The following CHTF8 variants were observed in gnomAD, a reference collection of about 807,000 sequenced individuals.
CHTF8 encodes the protein chromosome transmission fidelity protein 8 homolog.
In CHTF8, 6 loss-of-function variants were observed where a neutral mutation model predicts 11.0. The ratio of observed to expected loss-of-function variants is 0.55; its 90% CI spans 0.30 to 1.08. The LOEUF is 1.08. CHTF8 is among the 50% of genes least tolerant of loss of function. The pLI is 0.07. For missense variants in CHTF8, 140 were observed against 153.1 expected, an observed-to-expected ratio of 0.91 and a Z score of 0.45; for synonymous variants, 53 against 60.5, an observed-to-expected ratio of 0.88 and a Z score of 0.57.
intron 1 of CHTF8, among the ~76,000 whole-genome samples, chr16:69,123,646 A>T (rs1284173044): frequency 6.6e-6 from 1 of 152,094 alleles, no homozygotes; most frequent in African/African-American, 2.4e-5. Flanking sequence ...AGACTGTCTC[A>T]AAAAATCAAT....
intron 1 of CHTF8, among the ~76,000 whole-genome samples, chr16:69,128,872 T>C (rs1439189650): frequency 6.6e-6 from 1 of 151,914 alleles, no homozygotes; most frequent in Non-Finnish European, 1.5e-5. Context: ...GAAATCAGCT[T>C]GACCAACATG....
intron 1 of CHTF8, among the ~76,000 whole-genome samples, chr16:69,124,009 C>G (rs1386148621): frequency 6.7e-6 from 1 of 150,344 alleles, no homozygotes; most frequent in Non-Finnish European, 1.5e-5. Flanking sequence ...GAGGCTGAGG[C>G]ATGAGACTCA....
intron 1 of CHTF8, among the ~76,000 whole-genome samples, chr16:69,129,022 C>T (rs1453775189): frequency 6.6e-6 from 1 of 151,904 alleles, no homozygotes; most frequent in Non-Finnish European, 1.5e-5. Context: ...CGAGACTGTG[C>T]CACTGCACTC....
At chr16:69,130,168 A>G (rs1361392103) in intron 1 of CHTF8, among the ~76,000 whole-genome samples, 1 of 152,242 alleles carries the variant, frequency 6.6e-6, no homozygotes, top group Non-Finnish European at 1.5e-5. Flanking sequence ...ATCCTTCAAA[A>G]TAAAATGTGG....
At chr16:69,132,406 TCCCTCGCG>T (rs1383025063) in intron 1 of CHTF8, 70 bp downstream of exon 1, 1 of 144,248 alleles carries the variant, frequency 6.9e-6, no homozygotes, top group Non-Finnish European at 1.4e-5. Context: ...AGCTTCCCGC[TCCCTCGCG>T]CCCTCGCCCC....
rs1024642519 is a variant in CHTF8, at chr16:69,121,235, C to T, written c.24-65G>A. 5.4e-6 allele frequency: 8 copies of T among 1,471,276 alleles called. No individual in the cohort carries two copies. In the Admixed American group the frequency reaches 1.3e-4, roughly 23 times the overall value. 91.1% of individuals were successfully genotyped at this position (1,471,276 alleles called of 1,614,324 possible). On this transcript the variant is annotated intron_variant, in intron 2 of 3. Transcript: ENST00000448552. ...GTGAAGGATGAATAGTGTCCTCACA[C>T]CACCATTTGAGGCCCAAAGGACCTC... is the stretch of plus-strand genomic sequence containing the variant.
rs2152266508 is a variant in CHTF8 at position 69,120,733 on chromosome 16, G to T, written c.142-84C>A. On this transcript the variant is annotated intron_variant, in intron 3 of 3. Coordinates refer to ENST00000448552, the MANE Select transcript of CHTF8 (RefSeq NM_001039690.5). The surrounding 1 kb of genome is among the most constrained non-coding windows in gnomAD (Gnocchi z 4.0). Reference sequence around the variant, plus strand: ...CGCCTCCTAAAGCTGCTCTTGGCAGGCTATGCTGGCACCTCCAATCCCTGG... The same window carrying T: ...CGCCTCCTAAAGCTGCTCTTGGCAGTCTATGCTGGCACCTCCAATCCCTGG... 1.7e-6 allele frequency: 2 copies of T among 1,192,388 alleles called. No homozygotes were observed. The highest frequency in any genetic ancestry group is 2.4e-6 in the Non-Finnish European group (2 of 827,302). 73.9% of individuals were successfully genotyped at this position (1,192,388 alleles called of 1,614,324 possible). A position where few individuals can be genotyped will look rare whatever the true frequency, so the allele number is the denominator to read the frequency against.
Position 69,118,766 on chromosome 16 carries a change from G to T in CHTF8, c.*1659C>A. The stretch of plus-strand genomic sequence containing the variant: ...CCCAAGCTATGTTCTTCAGACTGTA[G>T]CTCCACAACTACCCTTTTACCTAAG... On this transcript the variant is annotated 3_prime_UTR_variant, in exon 4 of 4. Transcript: ENST00000448552. 1 of 639,360 alleles carries T rather than the reference G, an allele frequency of 1.6e-6. No individual in the cohort carries two copies. Among genetic ancestry groups the T allele is most frequent in the Non-Finnish European group, 2.8e-6 (1 of 356,324 alleles). 39.6% of individuals were successfully genotyped at this position (639,360 alleles called of 1,614,324 possible).
chr16:69,118,136 CTAATTCCCATATT>C lies in CHTF8; in HGVS notation c.*2276_*2288del. On this transcript the variant is annotated 3_prime_UTR_variant, in exon 4 of 4. Transcript: ENST00000448552. ...CTTCCCTTCATCCCCCACCCCCACC[CTAATTCCCATATT>C]CCCATCCACATCAGTTTAAATTTTG... The C allele has an allele frequency of 2.7e-6, 1 of 374,602 alleles. No individual in the cohort carries two copies. The highest frequency in any genetic ancestry group is 5.0e-6 in the Non-Finnish European group (1 of 200,954). The allele number at this position is 374,602 out of a possible 1,614,324, so 23.2% of individuals were successfully genotyped here.
chr16:69,128,600 A>AG (rs1287923065), intron 1 of CHTF8, among the ~76,000 whole-genome samples: 3 of 152,176 alleles, frequency 2.0e-5, no homozygotes, highest in African/African-American at 7.2e-5. Context: ...ATCTCAGTAA[A>AG]GGAAACTTTT....
At chr16:69,124,368 T>C (rs1261254361) in intron 1 of CHTF8, among the ~76,000 whole-genome samples, 1 of 152,180 alleles carries the variant, frequency 6.6e-6, no homozygotes, top group Non-Finnish European at 1.5e-5. Context: ...GGAAAGTTAA[T>C]AGGTATTATA....
chr16:69,127,531 G>A (rs549323383), intron 1 of CHTF8, among the ~76,000 whole-genome samples: 1 of 150,966 alleles, frequency 6.6e-6, no homozygotes, highest in East Asian at 2.0e-4. Flanking sequence ...CTGAAGGCAC[G>A]ATTTGATGAA....
At chr16:69,124,349 C>T (rs554576894) in intron 1 of CHTF8, among the ~76,000 whole-genome samples, 3 of 152,248 alleles carry the variant, frequency 2.0e-5, no homozygotes, top group African/African-American at 7.2e-5. Context: ...TGTTTACCAC[C>T]TGTAGTATGG....
rs1567584638 is a variant in CHTF8 at position 69,118,091 on chromosome 16, CG to C, written c.*2333del. The C allele has an allele frequency of 1.9e-6, 1 of 536,702 alleles. No individual in the cohort carries two copies. Among genetic ancestry groups the C allele is most frequent in the African/African-American group, 1.9e-5 (1 of 52,652 alleles). The allele number at this position is 536,702 out of a possible 1,614,324, so 33.2% of individuals were successfully genotyped here. On this transcript the variant is annotated 3_prime_UTR_variant, in exon 4 of 4. Transcript: ENST00000448552. ...CACCAACCATCCTTGCACACCAGGCCGAACAAAGCACAGTGATTTCTTCCCT... is the reference window on the plus strand; with the variant it reads ...CACCAACCATCCTTGCACACCAGGCCAACAAAGCACAGTGATTTCTTCCCT...
chr16:69,119,918 G>A lies in CHTF8; in HGVS notation c.*507C>T, dbSNP rs748342748. 3 of 702,562 alleles carry A rather than the reference G, an allele frequency of 4.3e-6. No homozygotes were observed. Among genetic ancestry groups the A allele is most frequent in the Non-Finnish European group, 7.8e-6 (3 of 384,946 alleles). The allele number at this position is 702,562 out of a possible 1,614,324, so 43.5% of individuals were successfully genotyped here. A position where few individuals can be genotyped will look rare whatever the true frequency, so the allele number is the denominator to read the frequency against. On this transcript the variant is annotated 3_prime_UTR_variant, in exon 4 of 4. Transcript: ENST00000448552. ...GGGCCCATGGGACCACCACCTCTGG[G>A]GTCAGGACCTGCTCCCAGGAGACCA...
chr16:69,125,707 T>C (rs555882909), intron 1 of CHTF8, among the ~76,000 whole-genome samples: 1 of 152,166 alleles, frequency 6.6e-6, no homozygotes, highest in East Asian at 1.9e-4. Context: ...ACCACTACTC[T>C]CAACAGAACT....
intron 1 of CHTF8, among the ~76,000 whole-genome samples, chr16:69,121,828 C>T (rs557957079): frequency 1.1e-3 from 175 of 152,220 alleles, no homozygotes; most frequent in Admixed American, 1.5e-3. Context: ...CCACCACGGC[C>T]GGCTAATTTT....
At position 69,120,975 on chromosome 16, in the gene CHTF8, A is replaced by G. The variant is rs540013729; in HGVS notation, c.141+78T>C. ...GAATAACAAACCTGAGGCAGTCCTCACTCTGGGTCCTGGGAGCACCACCTT... is the reference window on the plus strand; with the variant it reads ...GAATAACAAACCTGAGGCAGTCCTCGCTCTGGGTCCTGGGAGCACCACCTT... On this transcript the variant is annotated intron_variant, in intron 3 of 3. Transcript: ENST00000448552. This position sits in a 1 kb window ranked among gnomAD's most constrained non-coding sequence, Gnocchi z 4.0. 8.1e-7 allele frequency: 1 copy of G among 1,227,420 alleles called. No individual in the cohort carries two copies. Among genetic ancestry groups the G allele is most frequent in the Non-Finnish European group, 1.2e-6 (1 of 826,842 alleles). 76.0% of individuals were successfully genotyped at this position (1,227,420 alleles called of 1,614,324 possible). A position where few individuals can be genotyped will look rare whatever the true frequency, so the allele number is the denominator to read the frequency against.
chr16:69,123,346 A>C (rs1961819798), intron 1 of CHTF8, among the ~76,000 whole-genome samples: 1 of 152,118 alleles, frequency 6.6e-6, no homozygotes, highest in Admixed American at 6.6e-5. Flanking sequence ...CAAGGTTCAA[A>C]GGGTCTCCCT....
Sources: gnomAD v4.1 joint callset for allele counts (sites outside exome capture counted in the v4.1 genomes callset) on GRCh38, gnomAD v4.1.1 for gene constraint, Gnocchi (gnomAD v3.1) non-coding constraint, MANE v1.5 for transcripts, NCBI Gene and HGNC (gene_info 2026-07-23, HGNC 2026-07-21) for gene names.